The following FAM151B variants were observed in gnomAD, a reference collection of about 807,000 sequenced individuals.
The protein encoded by FAM151B is family with sequence similarity 151 member B, also known as protein FAM151B.
FAM151B carries 24 observed loss-of-function variants against 31.2 expected under a neutral mutation model. The ratio of observed to expected loss-of-function variants is 0.77; its 90% CI spans 0.56 to 1.08. The LOEUF is 1.08. FAM151B is among the 50% of genes least tolerant of loss of function. FAM151B has a pLI of 0.00. For synonymous variants in FAM151B, 105 were observed against 111.4 expected, an observed-to-expected ratio of 0.94 and a Z score of 0.36; for missense variants, 293 against 328.6, an observed-to-expected ratio of 0.89 and a Z score of 0.84.
intron 1 of FAM151B, among the ~76,000 whole-genome samples, chr5:80,495,532 T>C (rs1227093240): frequency 1.3e-5 from 2 of 152,012 alleles, no homozygotes; most frequent in Admixed American, 1.3e-4. Context: ...GCAAATGTGA[T>C]AGAAATAGCA....
At chr5:80,525,995 A>G (rs1314384129) in intron 5 of FAM151B, among the ~76,000 whole-genome samples, 2 of 152,090 alleles carry the variant, frequency 1.3e-5, no homozygotes, top group Non-Finnish European at 2.9e-5. Flanking sequence ...ATATACATAT[A>G]TATGAAGGCT....
In FAM151B at chr5:80,541,670, C is replaced by A; in HGVS notation, c.672-3C>A. On this transcript the variant is annotated splice_polypyrimidine_tract_variant and splice_region_variant and intron_variant, in intron 5 of 5. Coordinates refer to ENST00000282226, the MANE Select transcript of FAM151B (RefSeq NM_205548.3). The stretch of plus-strand genomic sequence containing the variant: ...TGTATAATTCTGTTTTATTTCAATG[C>A]AGGTACAGCCTGACTATTTGGACTG... 6.2e-7 allele frequency: 1 copy of A among 1,612,220 alleles called. No homozygotes were observed. Among genetic ancestry groups the A allele is most frequent in the Non-Finnish European group, 8.5e-7 (1 of 1,179,132 alleles).
Position 80,529,513 on chromosome 5 carries a change from A to G in FAM151B, c.671+7375A>G, listed in dbSNP as rs1284120077. 3.3e-5 allele frequency among the ~76,000 whole-genome samples: 5 copies of G among 152,306 alleles called. No homozygotes were observed. In the East Asian group the frequency reaches 5.8e-4, roughly 18 times the overall value. On this transcript the variant is annotated intron_variant, in intron 5 of 5. Coordinates refer to ENST00000282226, the MANE Select transcript of FAM151B (RefSeq NM_205548.3). Reference sequence around the variant, plus strand: ...TAGCAAGACTAATAAAGAAGAAAAGAGAGAAGAATCAAATAGACGCAATAA... The same window carrying G: ...TAGCAAGACTAATAAAGAAGAAAAGGGAGAAGAATCAAATAGACGCAATAA...
intron 4 of FAM151B, 97 bp from the exon 5 acceptor site, chr5:80,521,895 CCTATGAATTAT>C: frequency 1.4e-6 from 1 of 715,746 alleles, no homozygotes; most frequent in South Asian, 3.2e-5. Context: ...TTATGAATTA[CCTATGAATTAT>C]CTATGGTTTT....
At chr5:80,502,892 T>G (rs963994033) in intron 2 of FAM151B, among the ~76,000 whole-genome samples, 5 of 152,216 alleles carry the variant, frequency 3.3e-5, no homozygotes, top group Non-Finnish European at 7.3e-5. Context: ...GCGTAGCATA[T>G]AATAACTACA....
intron 4 of FAM151B, 57 bp from the exon 5 acceptor site, chr5:80,521,946 T>A: frequency 7.6e-7 from 1 of 1,322,080 alleles, no homozygotes; most frequent in Non-Finnish European, 1.0e-6. Context: ...AGTCTTTTAT[T>A]TAATTGTCTT....
chr5:80,488,292 G>C lies in FAM151B; in HGVS notation c.25+144G>C, dbSNP rs937517017. 7 of 1,101,400 alleles carry C rather than the reference G, an allele frequency of 6.4e-6. No individual in the cohort carries two copies. In the African/African-American group the frequency reaches 1.2e-4, roughly 18 times the overall value. The allele number at this position is 1,101,400 out of a possible 1,614,324, so 68.2% of individuals were successfully genotyped here. ...GCGCAGAACCGGGCGGCTGGGCTTGGAGCCCGCTCTGCACTCGGGGCGCGC... is the reference window on the plus strand; with the variant it reads ...GCGCAGAACCGGGCGGCTGGGCTTGCAGCCCGCTCTGCACTCGGGGCGCGC... On this transcript the variant is annotated intron_variant, in intron 1 of 5. Coordinates refer to ENST00000282226, the MANE Select transcript of FAM151B (RefSeq NM_205548.3).
intron 5 of FAM151B, among the ~76,000 whole-genome samples, chr5:80,526,069 T>C (rs1744951260): frequency 1.3e-5 from 2 of 152,134 alleles, no homozygotes; most frequent in East Asian, 1.9e-4. Flanking sequence ...ATGCTCAGCA[T>C]ATACCAAAAT....
At chr5:80,488,231 C>A in intron 1 of FAM151B, 83 bp downstream of exon 1, 1 of 1,468,488 alleles carries the variant, frequency 6.8e-7, no homozygotes. Flanking sequence ...TTGCGGGCTC[C>A]CGCGGTCTTC....
Position 80,496,799 on chromosome 5 carries a change from A to AT in FAM151B, c.26-4964dup, listed in dbSNP as rs367658683. On this transcript the variant is annotated intron_variant, in intron 1 of 5. Coordinates refer to ENST00000282226, the MANE Select transcript of FAM151B (RefSeq NM_205548.3). Reference sequence around the variant, plus strand: ...ATGGGAACTTTGCTCTTTTTGCTTAATTTTTTTTTTTTTTTTTTTTTTTTT... The same window carrying AT: ...ATGGGAACTTTGCTCTTTTTGCTTAATTTTTTTTTTTTTTTTTTTTTTTTTT... Among the ~76,000 whole-genome samples, 259 of 57,760 alleles carry AT rather than the reference A, an allele frequency of 4.5e-3. 14 individuals carry two copies. The highest frequency in any genetic ancestry group is 0.011 in the African/African-American group (186 of 17,000). The allele number at this position is 57,760 out of a possible 152,430, so 37.9% of individuals were successfully genotyped here.
chr5:80,505,579 A>C (rs1481505268), intron 2 of FAM151B, among the ~76,000 whole-genome samples: 1 of 151,258 alleles, frequency 6.6e-6, no homozygotes, highest in East Asian at 2.0e-4. Context: ...TATTTTTAGT[A>C]GAGACGGGGT....
chr5:80,538,418 T>TTC (rs1190931953), intron 5 of FAM151B, among the ~76,000 whole-genome samples: 54 of 54,730 alleles, frequency 9.9e-4, no homozygotes, highest in African/African-American at 5.3e-3. Context: ...CTTTCTTTCT[T>TTC]TCTTTCTTTC....
chr5:80,497,239 A>G (rs1223331124), intron 1 of FAM151B, among the ~76,000 whole-genome samples: 1 of 152,110 alleles, frequency 6.6e-6, no homozygotes, highest in Non-Finnish European at 1.5e-5. Flanking sequence ...CAACCTGGCC[A>G]ACATGGTGAA....
chr5:80,540,934 T>C (rs916906756), intron 5 of FAM151B, among the ~76,000 whole-genome samples: 7 of 152,112 alleles, frequency 4.6e-5, no homozygotes, highest in Non-Finnish European at 1.0e-4. Context: ...TTGGAAATTT[T>C]CCCTGGATTC....
chr5:80,538,471 TTTC>T, intron 5 of FAM151B, among the ~76,000 whole-genome samples: 1 of 122,790 alleles, frequency 8.1e-6, no homozygotes, highest in Admixed American at 8.4e-5. Context: ...TCTTTCTTTC[TTTC>T]TTTCTTTCTT....
Position 80,519,914 on chromosome 5 carries a change from A to G in FAM151B, c.535+4A>G. The stretch of plus-strand genomic sequence containing the variant: ...CATCCTGAGAAAGTCAATGAAGGTA[A>G]TAATTCTAATAATGTATTTCTTGGT... On this transcript the variant is annotated splice_donor_region_variant and intron_variant, in intron 4 of 5. Coordinates refer to ENST00000282226, the MANE Select transcript of FAM151B (RefSeq NM_205548.3). The G allele has an allele frequency of 6.2e-7, 1 of 1,608,164 alleles. No individual in the cohort carries two copies. The highest frequency in any genetic ancestry group is 8.5e-7 in the Non-Finnish European group (1 of 1,174,998).
chr5:80,526,068 A>G (rs897909808), intron 5 of FAM151B, among the ~76,000 whole-genome samples: 6 of 152,152 alleles, frequency 3.9e-5, no homozygotes, highest in African/African-American at 1.4e-4. Context: ...GATGCTCAGC[A>G]TATACCAAAA....
rs114557537 is a variant in FAM151B, at chr5:80,496,771, G to T, written c.26-5021G>T. ...GGGAAATCGAGGGAAGAGTGGGGAT[G>T]ATATGGGAACTTTGCTCTTTTTGCT... On this transcript the variant is annotated intron_variant, in intron 1 of 5. Coordinates refer to ENST00000282226, the MANE Select transcript of FAM151B (RefSeq NM_205548.3). Among the ~76,000 whole-genome samples, 1,470 of 148,216 alleles carry T rather than the reference G, an allele frequency of 9.9e-3. 26 individuals carry two copies. The highest frequency in any genetic ancestry group is 0.033 in the African/African-American group (1,340 of 40,054).
intron 5 of FAM151B, among the ~76,000 whole-genome samples, chr5:80,538,495 CTTCCTTTCTTTTCTTTCT>C (rs1561383883): frequency 1.7e-5 from 2 of 119,894 alleles, no homozygotes; most frequent in Admixed American, 8.9e-5. Flanking sequence ...TCCTTCCTTC[CTTCCTTTCTTTTCTTTCT>C]TTCCTTCCTT....
Sources: gnomAD v4.1 joint callset for allele counts (sites outside exome capture counted in the v4.1 genomes callset) on GRCh38, gnomAD v4.1.1 for gene constraint, MANE v1.5 for transcripts, NCBI Gene and HGNC (gene_info 2026-07-23, HGNC 2026-07-21) for gene names.